ERCC6L2: variants seen among roughly 807,000 people sequenced by gnomAD.
ERCC6L2 encodes ERCC excision repair 6 like 2.
A neutral mutation model predicts 132.0 loss-of-function variants in ERCC6L2; 77 were observed. That is an observed-to-expected ratio of 0.58 (90% CI 0.49 to 0.71). ERCC6L2 has a LOEUF of 0.71. Ranked by LOEUF, ERCC6L2 falls within the 30% of genes least tolerant of loss-of-function variation. The pLI is 0.00. For synonymous variants in ERCC6L2, 583 were observed against 632.4 expected, an observed-to-expected ratio of 0.92 and a Z score of 1.17; for missense variants, 1,542 against 1,837.6, an observed-to-expected ratio of 0.84 and a Z score of 2.94.
chr9:95,962,805 C>T (rs2133034437), intron 13 of ERCC6L2, among the ~76,000 whole-genome samples: 1 of 152,258 alleles, frequency 6.6e-6, no homozygotes, highest in East Asian at 1.9e-4. Flanking sequence ...GTCCAAAACT[C>T]ACTTTAGACC....
At chr9:96,037,716 C>T (rs1036646023) in intron 19 of ERCC6L2, among the ~76,000 whole-genome samples, 3 of 152,024 alleles carry the variant, frequency 2.0e-5, no homozygotes, top group African/African-American at 7.2e-5. Flanking sequence ...GTGAGGAATG[C>T]TGGGGCAAGG....
chr9:95,945,394 A>G (rs1831010677), intron 12 of ERCC6L2, among the ~76,000 whole-genome samples: 1 of 152,156 alleles, frequency 6.6e-6, no homozygotes, highest in South Asian at 2.1e-4. Flanking sequence ...ATATTGTTTA[A>G]ACACACATGC....
At position 95,926,526 on chromosome 9, in the gene ERCC6L2, TG is replaced by T. The variant is rs1205144117; in HGVS notation, c.1534-1552del. Among the ~76,000 whole-genome samples, 49 of 152,264 alleles carry T rather than the reference TG, an allele frequency of 3.2e-4. 1 individual carries two copies. In the South Asian group the frequency reaches 6.2e-3, roughly 19 times the overall value. On this transcript the variant is annotated intron_variant, in intron 9 of 18. Coordinates refer to ENST00000653738, the MANE Select transcript of ERCC6L2 (RefSeq NM_020207.7). The stretch of plus-strand genomic sequence containing the variant: ...TATTGCTGAGTGAAGGAAACCAGTC[TG>T]AAAAGGCTACATACTGTATAATTCC...
In ERCC6L2 at chr9:95,886,295, G is replaced by A. The variant is rs370746807; in HGVS notation, c.471+5002G>A. 2.6e-4 allele frequency among the ~76,000 whole-genome samples: 40 copies of A among 152,214 alleles called. 1 individual carries two copies. The Middle Eastern group carries it at 0.014, about 52-fold the overall frequency. On this transcript the variant is annotated intron_variant, in intron 2 of 18. Coordinates refer to ENST00000653738, the MANE Select transcript of ERCC6L2 (RefSeq NM_020207.7). ...ACCTCTCAAAGTGCTGGGATTACAG[G>A]CAGGAACTACTGTGCCTGGCCTCTG...
intron 4 of ERCC6L2, among the ~76,000 whole-genome samples, chr9:95,912,647 A>G (rs1238711324): frequency 6.6e-6 from 1 of 152,236 alleles, no homozygotes; most frequent in African/African-American, 2.4e-5. Flanking sequence ...TTCTCAAAAC[A>G]TCTTTAATAT....
At chr9:95,946,959 C>T (rs867814055) in intron 12 of ERCC6L2, among the ~76,000 whole-genome samples, 15 of 152,266 alleles carry the variant, frequency 9.9e-5, no homozygotes, top group South Asian at 6.2e-4. Flanking sequence ...GGCCATTCCC[C>T]TGTCTCATTC....
intron 19 of ERCC6L2, among the ~76,000 whole-genome samples, chr9:96,026,913 A>G (rs1227314200): frequency 8.7e-6 from 1 of 114,464 alleles, no homozygotes; most frequent in East Asian, 2.6e-4. Context: ...TACACCAAAC[A>G]CACCACACGC....
At chr9:96,025,035 T>G (rs367737088) in intron 19 of ERCC6L2, among the ~76,000 whole-genome samples, 1 of 152,242 alleles carries the variant, frequency 6.6e-6, no homozygotes, top group African/African-American at 2.4e-5. Flanking sequence ...TTCCTACCAG[T>G]GTCCTAGTTC....
In ERCC6L2 at chr9:95,918,136, A is replaced by G; in HGVS notation, c.1158+1702A>G. The G allele has an allele frequency of 1.6e-5, 7 of 450,206 alleles. 1 individual carries two copies. Among genetic ancestry groups the G allele is most frequent in the South Asian group, 1.2e-4 (7 of 56,192 alleles). The allele number at this position is 450,206 out of a possible 1,614,324, so 27.9% of individuals were successfully genotyped here. ...GGTCTTTAAAAAATAAAAGATAAAAATAGCTTCCAAAAGAGTTGTGGTCAT... is the reference window on the plus strand; with the variant it reads ...GGTCTTTAAAAAATAAAAGATAAAAGTAGCTTCCAAAAGAGTTGTGGTCAT... On this transcript the variant is annotated intron_variant, in intron 6 of 18. Coordinates refer to ENST00000653738, the MANE Select transcript of ERCC6L2 (RefSeq NM_020207.7).
intron 2 of ERCC6L2, among the ~76,000 whole-genome samples, chr9:95,891,871 CT>C (rs1387986294): frequency 6.6e-6 from 1 of 151,884 alleles, no homozygotes; most frequent in Non-Finnish European, 1.5e-5. Context: ...ATATTTAAGT[CT>C]TTTGCCTGTT....
intron 3 of ERCC6L2, chr9:95,906,782 A>G: frequency 2.1e-6 from 1 of 482,464 alleles, no homozygotes; most frequent in Non-Finnish European, 4.0e-6. Context: ...TCTCTTTTGG[A>G]AAGTTACTTC....
intron 13 of ERCC6L2, among the ~76,000 whole-genome samples, chr9:95,960,404 A>T (rs1481544246): frequency 6.6e-6 from 1 of 152,186 alleles, no homozygotes; most frequent in Non-Finnish European, 1.5e-5. Flanking sequence ...CTTTATATGG[A>T]AAAAGGATCT....
intron 19 of ERCC6L2, among the ~76,000 whole-genome samples, chr9:96,030,698 T>G (rs1387553750): frequency 1.2e-4 from 13 of 104,390 alleles, no homozygotes; most frequent in African/African-American, 5.2e-4. Context: ...CGAGACTCCA[T>G]CTCAAAAAAA....
chr9:95,903,379 T>C (rs1055796493), intron 3 of ERCC6L2, among the ~76,000 whole-genome samples: 1 of 152,126 alleles, frequency 6.6e-6, no homozygotes, highest in Non-Finnish European at 1.5e-5. Context: ...TATTTGGTAG[T>C]TACTCCTCAA....
chr9:95,949,559 G>C (rs1831230787), intron 12 of ERCC6L2, among the ~76,000 whole-genome samples: 1 of 151,354 alleles, frequency 6.6e-6, no homozygotes, highest in Admixed American at 6.6e-5. Context: ...TAATGTATTG[G>C]GGGAAAAAAA....
chr9:95,966,390 T>C (rs1016097537), intron 13 of ERCC6L2, among the ~76,000 whole-genome samples, 172 bp from the exon 14 acceptor site: 8 of 152,212 alleles, frequency 5.3e-5, no homozygotes, highest in Non-Finnish European at 1.0e-4. Context: ...GCCAGATTAT[T>C]ATTATTTCAC....
Position 96,001,488 on chromosome 9 carries a change from G to A in ERCC6L2, c.3493-3032G>A, listed in dbSNP as rs541670206. ...GCCCCACCAGAGCAGCTAGCTACAG[G>A]GTGTCGATTGGTGCATTCACAAACC... On this transcript the variant is annotated intron_variant, in intron 17 of 18. Coordinates refer to ENST00000653738, the MANE Select transcript of ERCC6L2 (RefSeq NM_020207.7). Among the ~76,000 whole-genome samples the A allele has an allele frequency of 2.6e-5, 4 of 152,256 alleles. No individual in the cohort carries two copies. In the South Asian group the frequency reaches 6.2e-4, roughly 24 times the overall value.
intron 4 of ERCC6L2, among the ~76,000 whole-genome samples, chr9:95,909,654 C>T (rs1176925542): frequency 6.6e-6 from 1 of 152,104 alleles, no homozygotes; most frequent in Non-Finnish European, 1.5e-5. Flanking sequence ...CTTAATGTTG[C>T]ATTGTATTCC....
intron 3 of ERCC6L2, among the ~76,000 whole-genome samples, chr9:95,899,120 A>T (rs1391113344): frequency 2.0e-5 from 3 of 152,040 alleles, no homozygotes; most frequent in Non-Finnish European, 4.4e-5. Flanking sequence ...AATATTTTAA[A>T]TATATTAAAA....
Sources: gnomAD v4.1 joint callset for allele counts (sites outside exome capture counted in the v4.1 genomes callset) on GRCh38, gnomAD v4.1.1 for gene constraint, MANE v1.5 for transcripts, NCBI Gene and HGNC (gene_info 2026-07-23, HGNC 2026-07-21) for gene names.